TMEM38B: variants seen among roughly 807,000 people sequenced by gnomAD.
TMEM38B encodes trimeric intracellular cation channel type B.
In TMEM38B, 24 loss-of-function variants were observed where a neutral mutation model predicts 28.7. The ratio of observed to expected loss-of-function variants is 0.84; its 90% CI spans 0.61 to 1.18. The LOEUF is 1.18. TMEM38B is among the 50% of genes most tolerant of loss of function. The probability of loss-of-function intolerance (pLI) is 0.00; values close to 1 mark genes in which losing one functional copy is unlikely to be tolerated. For synonymous variants in TMEM38B, 131 were observed against 127.7 expected (o/e 1.03, Z -0.17); for missense variants, 380 against 350.9 (o/e 1.08, Z -0.66).
intron 4 of TMEM38B, among the ~76,000 whole-genome samples, chr9:105,728,509 T>A (rs1402168401): frequency 6.6e-6 from 1 of 152,232 alleles, no homozygotes; most frequent in Admixed American, 6.5e-5. Context: ...TTTGGTTGGT[T>A]CCAAGTCTTT....
intron 4 of TMEM38B, among the ~76,000 whole-genome samples, chr9:105,726,373 T>C (rs1310933268): frequency 3.9e-5 from 6 of 152,256 alleles, no homozygotes; most frequent in Non-Finnish European, 7.4e-5. Context: ...TATAAGTGTT[T>C]TTCTGTTTTT....
chr9:105,703,618 G>T (rs553173599), intron 1 of TMEM38B, among the ~76,000 whole-genome samples: 2 of 152,040 alleles, frequency 1.3e-5, no homozygotes, highest in African/African-American at 4.8e-5. Context: ...CTGAGTAATC[G>T]CCACACTGAC....
At chr9:105,694,918 G>C (rs1564380764) in intron 1 of TMEM38B, 146 bp downstream of exon 1, 1 of 687,170 alleles carries the variant, frequency 1.5e-6, no homozygotes, top group Non-Finnish European at 2.5e-6. Flanking sequence ...GGGGCGCCAA[G>C]GGCCGGTTGG....
At chr9:105,763,651 T>C (rs1838150180) in intron 5 of TMEM38B, among the ~76,000 whole-genome samples, 1 of 152,124 alleles carries the variant, frequency 6.6e-6, no homozygotes, top group South Asian at 2.1e-4. Context: ...CTACCAGAGG[T>C]ACAAGGAGCA....
At chr9:105,708,832 C>T (rs1835779450) in intron 2 of TMEM38B, among the ~76,000 whole-genome samples, 1 of 149,890 alleles carries the variant, frequency 6.7e-6, no homozygotes, top group Non-Finnish European at 1.5e-5. Context: ...AGAATTATTG[C>T]TATCCAACAT....
At chr9:105,699,265 T>C (rs1835383883) in intron 1 of TMEM38B, among the ~76,000 whole-genome samples, 1 of 152,178 alleles carries the variant, frequency 6.6e-6, no homozygotes, top group Admixed American at 6.5e-5. Flanking sequence ...CCACTTCTTT[T>C]AGATTTTTAC....
At chr9:105,753,056 G>A (rs1172125579) in intron 5 of TMEM38B, among the ~76,000 whole-genome samples, 4 of 152,200 alleles carry the variant, frequency 2.6e-5, no homozygotes, top group African/African-American at 7.2e-5. Context: ...ACATGAAGCA[G>A]AGGAAAGCAG....
chr9:105,699,987 C>T (rs1043090207), intron 1 of TMEM38B, among the ~76,000 whole-genome samples: 20 of 152,274 alleles, frequency 1.3e-4, no homozygotes, highest in Admixed American at 1.3e-3. Context: ...TTTTAAATGT[C>T]TCTTAAGTCT....
At position 105,694,575 on chromosome 9, in the gene TMEM38B, C is replaced by T. The variant is rs567705464; in HGVS notation, c.-86C>T. Reference sequence around the variant, plus strand: ...GCCGGCGCGGAGGAGCGGGCGGCCGCGGCTGTGCCCTCTCCTACTCCTCAC... The same window carrying T: ...GCCGGCGCGGAGGAGCGGGCGGCCGTGGCTGTGCCCTCTCCTACTCCTCAC... On this transcript the variant is annotated 5_prime_UTR_variant, in exon 1 of 6. Coordinates refer to ENST00000374692, the MANE Select transcript of TMEM38B (RefSeq NM_018112.3). The T allele has an allele frequency of 2.9e-6, 3 of 1,019,232 alleles. No individual in the cohort carries two copies. Among genetic ancestry groups the T allele is most frequent in the African/African-American group, 1.7e-5 (1 of 58,678 alleles). The allele number at this position is 1,019,232 out of a possible 1,614,324, so 63.1% of individuals were successfully genotyped here.
intron 4 of TMEM38B, among the ~76,000 whole-genome samples, chr9:105,741,892 A>G (rs1037157577): frequency 2.6e-5 from 4 of 152,188 alleles, no homozygotes; most frequent in Non-Finnish European, 4.4e-5. Context: ...TGACTGGTCA[A>G]CTTTTCCTAG....
At chr9:105,707,326 C>T (rs1033209127) in intron 2 of TMEM38B, among the ~76,000 whole-genome samples, 6 of 152,098 alleles carry the variant, frequency 3.9e-5, no homozygotes, top group South Asian at 4.2e-4. Flanking sequence ...AAAAATGTTA[C>T]CCGGAATTGC....
chr9:105,759,409 C>T lies in TMEM38B; in HGVS notation c.660+11219C>T, dbSNP rs116608962. The T allele has an allele frequency of 2.9e-3, 4,509 of 1,539,498 alleles. 129 individuals are homozygous for T. The African/African-American group carries it at 0.051, about 17-fold the overall frequency. On this transcript the variant is annotated intron_variant, in intron 5 of 5. Transcript: ENST00000374692. Reference sequence around the variant, plus strand: ...AGAATAAGATTCTACTGAGAGACTACGGATAAGCAATCCAGGATTTCAAGA... The same window carrying T: ...AGAATAAGATTCTACTGAGAGACTATGGATAAGCAATCCAGGATTTCAAGA...
intron 4 of TMEM38B, among the ~76,000 whole-genome samples, chr9:105,734,651 T>C (rs7848176): frequency 0.23 from 35,516 of 152,060 alleles, 6,812 homozygotes; most frequent in African/African-American, 0.51. Flanking sequence ...TTATTATGTC[T>C]TCTTGATGAA....
At chr9:105,749,270 G>C (rs1260158628) in intron 5 of TMEM38B, 1 of 279,052 alleles carries the variant, frequency 3.6e-6, no homozygotes, top group Non-Finnish European at 6.1e-6. Context: ...CTGATACTGG[G>C]TAATTTATAA....
At chr9:105,732,125 A>G (rs1163696485) in intron 4 of TMEM38B, among the ~76,000 whole-genome samples, 1 of 152,152 alleles carries the variant, frequency 6.6e-6, no homozygotes, top group African/African-American at 2.4e-5. Context: ...GTGTCTGTTC[A>G]TATCCTTCAC....
chr9:105,698,110 C>T (rs1310758983), intron 1 of TMEM38B, among the ~76,000 whole-genome samples: 2 of 131,290 alleles, frequency 1.5e-5, no homozygotes, highest in East Asian at 2.6e-4. Flanking sequence ...TTTTCTTTAG[C>T]GTCCCATTTT....
At chr9:105,756,282 C>G (rs1223227462) in intron 5 of TMEM38B, among the ~76,000 whole-genome samples, 2 of 152,028 alleles carry the variant, frequency 1.3e-5, no homozygotes, top group African/African-American at 4.8e-5. Context: ...TTTTCTTGCC[C>G]AGTTGTCCTG....
intron 4 of TMEM38B, 87 bp from the exon 5 acceptor site, chr9:105,747,986 A>G: frequency 1.2e-6 from 1 of 842,410 alleles, no homozygotes; most frequent in South Asian, 1.6e-5. Flanking sequence ...TAACCCATTA[A>G]GTTAATGTTT....
chr9:105,752,899 A>G (rs185243140), intron 5 of TMEM38B, among the ~76,000 whole-genome samples: 6 of 151,302 alleles, frequency 4.0e-5, no homozygotes, highest in East Asian at 1.9e-4. Flanking sequence ...TTCTAACCCA[A>G]TGGAAAGAAG....
Sources: gnomAD v4.1 joint callset for allele counts (sites outside exome capture counted in the v4.1 genomes callset) on GRCh38, gnomAD v4.1.1 for gene constraint, MANE v1.5 for transcripts, NCBI Gene and HGNC (gene_info 2026-07-23, HGNC 2026-07-21) for gene names.